The following DLG2 variants were observed in gnomAD, a reference collection of about 807,000 sequenced individuals.
DLG2 encodes the protein discs large MAGUK scaffold protein 2, also known as disks large homolog 2.
In DLG2, 45 loss-of-function variants were observed where a neutral mutation model predicts 132.5. The observed-to-expected ratio is 0.34, with a 90% CI of 0.27 to 0.44. DLG2 has a LOEUF of 0.44. Among genes scored for constraint, DLG2 ranks in the 20% least tolerant of loss-of-function variants. The probability of loss-of-function intolerance (pLI) is 1.00; values close to 1 mark genes in which losing one functional copy is unlikely to be tolerated. For synonymous variants in DLG2, 424 were observed against 419.6 expected (o/e 1.01, Z -0.13); for missense variants, 1,045 against 1,196.9 (o/e 0.87, Z 1.87).
chr11:85,131,396 T>C (rs937124326), intron 5 of DLG2, among the ~76,000 whole-genome samples: 2 of 152,102 alleles, frequency 1.3e-5, no homozygotes, highest in South Asian at 2.1e-4. Flanking sequence ...TTTGGTAGTA[T>C]TGTCTCAAGA....
intron 9 of DLG2, among the ~76,000 whole-genome samples, chr11:84,119,942 T>C (rs1263241852): frequency 6.6e-6 from 1 of 152,204 alleles, no homozygotes; most frequent in African/African-American, 2.4e-5. Context: ...ACATTTATTT[T>C]CTTTGTGTGG....
chr11:85,582,054 G>A (rs2078561652), intron 3 of DLG2, among the ~76,000 whole-genome samples: 1 of 152,208 alleles, frequency 6.6e-6, no homozygotes, highest in Non-Finnish European at 1.5e-5. Context: ...TGTAGGCATA[G>A]AGGAGACATA....
At chr11:83,679,706 A>G (rs978890382) in intron 18 of DLG2, among the ~76,000 whole-genome samples, 1 of 152,194 alleles carries the variant, frequency 6.6e-6, no homozygotes, top group East Asian at 1.9e-4. Flanking sequence ...CAACAATAAT[A>G]ATTACCTTTC....
Position 84,202,022 on chromosome 11 carries a change from T to G in DLG2, c.574-38511A>C, listed in dbSNP as rs1287191413. Reference sequence around the variant, plus strand: ...TTAGTAGAGACTAGGTTTCACTATGTTGGCCAGGCTGGTCTCGAACTCCTG... The same window carrying G: ...TTAGTAGAGACTAGGTTTCACTATGGTGGCCAGGCTGGTCTCGAACTCCTG... On this transcript the variant is annotated intron_variant, in intron 8 of 27. Transcript: ENST00000376104. 2.0e-5 allele frequency among the ~76,000 whole-genome samples: 3 copies of G among 151,892 alleles called. No homozygotes were observed. In the East Asian group the frequency reaches 5.8e-4, roughly 29 times the overall value.
intron 4 of DLG2, among the ~76,000 whole-genome samples, chr11:85,155,287 G>A (rs2077516762): frequency 1.3e-5 from 2 of 152,174 alleles, no homozygotes; most frequent in South Asian, 4.1e-4. Context: ...ACAAGAAGAT[G>A]TTGATAGTCT....
intron 6 of DLG2, among the ~76,000 whole-genome samples, chr11:84,795,059 T>C (rs529501898): frequency 7.9e-5 from 12 of 152,300 alleles, no homozygotes; most frequent in Non-Finnish European, 1.6e-4. Flanking sequence ...ACCAGTTCCA[T>C]GGACAAGAGT....
intron 6 of DLG2, among the ~76,000 whole-genome samples, chr11:85,104,871 G>GAAA (rs2071444967): frequency 2.3e-5 from 1 of 43,224 alleles, no homozygotes; most frequent in Non-Finnish European, 3.8e-5. Context: ...TGGCTGAATG[G>GAAA]CAAAAAAAAA....
At chr11:83,677,622 A>C (rs561244771) in intron 18 of DLG2, among the ~76,000 whole-genome samples, 3 of 152,326 alleles carry the variant, frequency 2.0e-5, no homozygotes, top group Non-Finnish European at 2.9e-5. Context: ...ATACTAAAAG[A>C]AATAAAAATA....
At chr11:85,464,540 A>T (rs1172557300) in intron 3 of DLG2, among the ~76,000 whole-genome samples, 4 of 152,154 alleles carry the variant, frequency 2.6e-5, no homozygotes, top group African/African-American at 9.7e-5. Context: ...GGGTGGCATC[A>T]GTCTGAAAGA....
At chr11:84,856,481 T>C in intron 6 of DLG2, among the ~76,000 whole-genome samples, 1 of 152,128 alleles carries the variant, frequency 6.6e-6, no homozygotes, top group Non-Finnish European at 1.5e-5. Flanking sequence ...GTTCAAGCTA[T>C]AAACTACCAC....
chr11:84,908,093 G>C (rs11234240), intron 6 of DLG2, among the ~76,000 whole-genome samples: 34,973 of 151,796 alleles, frequency 0.23, 4,848 homozygotes, highest in South Asian at 0.42. Flanking sequence ...TGGAAAGAAC[G>C]AGTTACCCTT....
chr11:84,365,356 A>T (rs1243785803), intron 7 of DLG2, among the ~76,000 whole-genome samples: 1 of 151,404 alleles, frequency 6.6e-6, no homozygotes, highest in Non-Finnish European at 1.5e-5. Context: ...ATCGGTGGTG[A>T]TATCCCCTTT....
At chr11:84,123,896 T>C (rs2094038744) in intron 9 of DLG2, among the ~76,000 whole-genome samples, 1 of 152,216 alleles carries the variant, frequency 6.6e-6, no homozygotes, top group African/African-American at 2.4e-5. Flanking sequence ...AAAAATGTGT[T>C]TCACAAAATT....
At chr11:84,305,536 G>A (rs1357176316) in intron 7 of DLG2, among the ~76,000 whole-genome samples, 1 of 152,014 alleles carries the variant, frequency 6.6e-6, no homozygotes, top group Non-Finnish European at 1.5e-5. Context: ...AGATAAACTG[G>A]GTCTTACTGA....
At chr11:84,081,817 C>T (rs2096908361) in intron 10 of DLG2, among the ~76,000 whole-genome samples, 1 of 152,138 alleles carries the variant, frequency 6.6e-6, no homozygotes, top group Non-Finnish European at 1.5e-5. Context: ...GATTTATAAT[C>T]CTTTGGGTAT....
chr11:85,480,829 T>C (rs141323567), intron 3 of DLG2, among the ~76,000 whole-genome samples: 64 of 152,304 alleles, frequency 4.2e-4, no homozygotes, highest in African/African-American at 1.5e-3. Flanking sequence ...GAAAAAAAAC[T>C]AAATGTCATG....
At chr11:85,139,102 C>G (rs1339745515) in intron 5 of DLG2, among the ~76,000 whole-genome samples, 1 of 152,112 alleles carries the variant, frequency 6.6e-6, no homozygotes, top group Non-Finnish European at 1.5e-5. Flanking sequence ...TAATTAGAAT[C>G]TCTTCCATCC....
At chr11:84,183,228 T>C (rs1397080796) in intron 8 of DLG2, among the ~76,000 whole-genome samples, 1 of 152,192 alleles carries the variant, frequency 6.6e-6, no homozygotes, top group Non-Finnish European at 1.5e-5. Context: ...AAATACTTTC[T>C]AACTCATAAA....
At chr11:84,335,199 G>A (rs1434035621) in intron 7 of DLG2, among the ~76,000 whole-genome samples, 16 of 142,030 alleles carry the variant, frequency 1.1e-4, no homozygotes, top group African/African-American at 4.2e-4. Flanking sequence ...GGGAAGGGAA[G>A]GGAAAGGAAA....
Sources: allele counts gnomAD v4.1 joint callset (sites outside exome capture counted in the v4.1 genomes callset), GRCh38; gene constraint gnomAD v4.1.1; transcripts MANE v1.5; gene names NCBI Gene and HGNC (gene_info 2026-07-23, HGNC 2026-07-21).